The following EFL1 variants were observed in gnomAD, a reference collection of about 807,000 sequenced individuals.
EFL1 encodes the protein elongation factor-like GTPase 1.
EFL1 carries 76 observed loss-of-function variants against 126.7 expected under a neutral mutation model. The observed-to-expected ratio is 0.60, with a 90% CI of 0.50 to 0.73. The LOEUF (loss-of-function observed/expected upper bound fraction) is 0.73, where lower values mean the gene tolerates loss of function less well. EFL1 is among the 30% of genes least tolerant of loss of function. The pLI, the probability that EFL1 is intolerant of heterozygous loss-of-function variation, is 0.00. For missense variants in EFL1, 1,128 were observed against 1,343.2 expected (o/e 0.84, Z 2.50); for synonymous variants, 410 against 448.4 (o/e 0.91, Z 1.08).
At chr15:82,205,738 G>A (rs2074517768) in intron 15 of EFL1, among the ~76,000 whole-genome samples, 1 of 152,194 alleles carries the variant, frequency 6.6e-6, no homozygotes, top group Non-Finnish European at 1.5e-5. Context: ...ACTCTTTGAA[G>A]ATGGAGGGGA....
At position 82,239,382 on chromosome 15, in the gene EFL1, C is replaced by T. The variant is rs184084004; in HGVS notation, c.517-861G>A. ...CAATCTCCTGACCTCGTGATCCACC[C>T]GCCTCGGCCTCCCAAAGCGCTGGGA... On this transcript the variant is annotated intron_variant, in intron 6 of 19. Coordinates refer to ENST00000268206, the MANE Select transcript of EFL1 (RefSeq NM_024580.6). Among the ~76,000 whole-genome samples the T allele has an allele frequency of 6.9e-4, 105 of 152,248 alleles. 2 individuals are homozygous for T. The South Asian group carries it at 8.7e-3, about 13-fold the overall frequency.
intron 3 of EFL1, among the ~76,000 whole-genome samples, chr15:82,255,564 C>G (rs548531072): frequency 3.3e-5 from 5 of 152,250 alleles, no homozygotes; most frequent in Non-Finnish European, 7.4e-5. Context: ...AAGAAATCTT[C>G]CTTTAAGGTC....
chr15:82,223,369 T>C (rs1477687187), intron 12 of EFL1, among the ~76,000 whole-genome samples: 2 of 152,014 alleles, frequency 1.3e-5, no homozygotes, highest in African/African-American at 2.4e-5. Context: ...TTGTTGAACC[T>C]GATATACTGG....
At chr15:82,132,485 A>C (rs2073661638) in intron 19 of EFL1, among the ~76,000 whole-genome samples, 1 of 152,036 alleles carries the variant, frequency 6.6e-6, no homozygotes, top group South Asian at 2.1e-4. Context: ...AAGAACTAGA[A>C]ATATCCTTTC....
chr15:82,174,914 T>C (rs919059320), intron 15 of EFL1, among the ~76,000 whole-genome samples: 2 of 152,250 alleles, frequency 1.3e-5, no homozygotes, highest in African/African-American at 2.4e-5. Context: ...TGTAGAATCT[T>C]ACACTCTAGT....
At chr15:82,158,321 T>G (rs1009318115) in intron 16 of EFL1, among the ~76,000 whole-genome samples, 2 of 152,230 alleles carry the variant, frequency 1.3e-5, no homozygotes, top group Non-Finnish European at 2.9e-5. Context: ...TGAAACTGCT[T>G]GCTAGAACTT....
intron 16 of EFL1, 100 bp downstream of exon 16, chr15:82,163,753 A>G: frequency 7.2e-7 from 1 of 1,394,716 alleles, no homozygotes; most frequent in Non-Finnish European, 9.6e-7. Context: ...AAAATTCATT[A>G]TATACTGCTG....
chr15:82,167,814 A>C (rs1008652904), intron 15 of EFL1, among the ~76,000 whole-genome samples: 1 of 152,212 alleles, frequency 6.6e-6, no homozygotes, highest in African/African-American at 2.4e-5. Context: ...ACATTATTAG[A>C]ATTTTAAAAA....
At chr15:82,178,157 A>G (rs1352159420) in intron 15 of EFL1, among the ~76,000 whole-genome samples, 3 of 152,244 alleles carry the variant, frequency 2.0e-5, no homozygotes, top group Non-Finnish European at 4.4e-5. Context: ...ACTGTAATAC[A>G]AAGCTAACAT....
Position 82,152,179 on chromosome 15 carries a change from G to A in EFL1, c.2275C>T (p.Pro759Ser). The change falls in exon 18 of 20, where the codon CCA (proline) becomes TCA (serine). Residue 759 changes from proline (P) to serine (S), a missense_variant. Coordinates refer to ENST00000268206, the MANE Select transcript of EFL1 (RefSeq NM_024580.6). Reference protein sequence around the residue: ...ATLSVRAMPLPEEVTQILEEN... With the variant: ...ATLSVRAMPLSEEVTQILEEN... ...TCCAGAATCTGGGTGACTTCTTCTGGAAGGGGCATGGCTCGAACACTGAGC... is the reference window on the plus strand; with the variant it reads ...TCCAGAATCTGGGTGACTTCTTCTGAAAGGGGCATGGCTCGAACACTGAGC... The A allele has an allele frequency of 6.2e-7, 1 of 1,614,168 alleles. No individual in the cohort carries two copies. Among genetic ancestry groups the A allele is most frequent in the East Asian group, 2.2e-5 (1 of 44,876 alleles).
chr15:82,153,974 GC>G (rs1372411715), intron 17 of EFL1, among the ~76,000 whole-genome samples: 1 of 152,126 alleles, frequency 6.6e-6, no homozygotes, highest in East Asian at 1.9e-4. Context: ...CAACGGCAAA[GC>G]TTCTGAAACT....
At chr15:82,211,906 T>C (rs1287812442) in intron 15 of EFL1, among the ~76,000 whole-genome samples, 1 of 152,174 alleles carries the variant, frequency 6.6e-6, no homozygotes, top group East Asian at 1.9e-4. Context: ...GAGGGAAATA[T>C]CCTAATTACT....
intron 18 of EFL1, among the ~76,000 whole-genome samples, chr15:82,146,513 T>C (rs1195897086): frequency 6.6e-6 from 1 of 151,324 alleles, no homozygotes; most frequent in Non-Finnish European, 1.5e-5. Flanking sequence ...ACACTAGAAA[T>C]TGGTTATCAA....
At chr15:82,166,509 C>A (rs1182039489) in intron 15 of EFL1, among the ~76,000 whole-genome samples, 1 of 152,134 alleles carries the variant, frequency 6.6e-6, no homozygotes, top group African/African-American at 2.4e-5. Flanking sequence ...ATTTTAAAAT[C>A]TAGGAAAGGG....
intron 18 of EFL1, among the ~76,000 whole-genome samples, chr15:82,147,842 T>C (rs531259985): frequency 1.3e-5 from 2 of 152,094 alleles, no homozygotes; most frequent in African/African-American, 4.8e-5. Context: ...TAAGAGGACA[T>C]GCACAGTAGA....
intron 15 of EFL1, among the ~76,000 whole-genome samples, chr15:82,190,477 T>C (rs2074348019): frequency 6.6e-6 from 1 of 152,248 alleles, no homozygotes; most frequent in African/African-American, 2.4e-5. Context: ...ATCCATGGAT[T>C]CTTCTATGTT....
chr15:82,202,230 T>C (rs1446577307), intron 15 of EFL1, among the ~76,000 whole-genome samples: 1 of 152,176 alleles, frequency 6.6e-6, no homozygotes, highest in Non-Finnish European at 1.5e-5. Flanking sequence ...TCAGATCAAC[T>C]TCACTAGAAC....
chr15:82,253,940 T>G (rs2075045797), intron 3 of EFL1, among the ~76,000 whole-genome samples: 1 of 152,168 alleles, frequency 6.6e-6, no homozygotes, highest in Non-Finnish European at 1.5e-5. Context: ...CCTTCCTCCA[T>G]TCTCTCCACT....
chr15:82,160,629 A>G (rs1283045103), intron 16 of EFL1, among the ~76,000 whole-genome samples: 1 of 152,174 alleles, frequency 6.6e-6, no homozygotes, highest in Admixed American at 6.5e-5. Flanking sequence ...ATATATCTAT[A>G]TAAGCATAGG....
Sources: allele counts gnomAD v4.1 joint callset (sites outside exome capture counted in the v4.1 genomes callset), GRCh38; gene constraint gnomAD v4.1.1; transcripts MANE v1.5; gene names NCBI Gene and HGNC (gene_info 2026-07-23, HGNC 2026-07-21).